Variants in EPB41L1 observed in about 807,000 individuals in gnomAD.
EPB41L1 encodes band 4.1-like protein 1.
In EPB41L1, 29 loss-of-function variants were observed where a neutral mutation model predicts 97.8. That is an observed-to-expected ratio of 0.30 (90% CI 0.22 to 0.40). The LOEUF is 0.40. Ranked by LOEUF, EPB41L1 falls within the 10% of genes least tolerant of loss-of-function variation. The probability of loss-of-function intolerance (pLI) is 1.00; values close to 1 mark genes in which losing one functional copy is unlikely to be tolerated. For synonymous variants in EPB41L1, 383 were observed against 459.2 expected (o/e 0.83, Z 2.12); for missense variants, 812 against 1,162.3 (o/e 0.70, Z 4.38).
At chr20:36,142,893 C>A (rs943677712) in intron 2 of EPB41L1, among the ~76,000 whole-genome samples, 10 of 152,172 alleles carry the variant, frequency 6.6e-5, no homozygotes, top group Non-Finnish European at 1.5e-4. Flanking sequence ...AGTCACCAAT[C>A]CAAGACATTC....
Position 36,092,428 on chromosome 20 carries a change from G to A in EPB41L1, c.-65+816G>A, listed in dbSNP as rs1296139661. On this transcript the variant is annotated intron_variant, in intron 1 of 19. Coordinates refer to the EPB41L1 transcript ENST00000202028. This position sits in a 1 kb window ranked among gnomAD's most constrained non-coding sequence, Gnocchi z 7.0. ...CGGGTCCCCAGCGCCGGGAGGGTTC[G>A]CGGGGCTCAGCCCCTTCCTCTGCTC... Among the ~76,000 whole-genome samples the A allele has an allele frequency of 1.3e-5, 2 of 152,054 alleles. No individual in the cohort carries two copies. Among genetic ancestry groups the A allele is most frequent in the Non-Finnish European group, 2.9e-5 (2 of 67,978 alleles).
chr20:36,126,363 A>AT (rs1208994726), intron 2 of EPB41L1, among the ~76,000 whole-genome samples: 5,468 of 135,242 alleles, frequency 0.04, 222 homozygotes, highest in African/African-American at 0.097. Flanking sequence ...AGTTAGTGGA[A>AT]TTTTTTTTTT....
chr20:36,153,668 C>T (rs1449150056), upstream of EPB41L1, among the ~76,000 whole-genome samples: 2 of 152,160 alleles, frequency 1.3e-5, no homozygotes, highest in Non-Finnish European at 1.5e-5. Flanking sequence ...ATAGGAACGT[C>T]CAGCCCTTTC....
chr20:36,192,531 C>CAAA (rs57675036), intron 11 of EPB41L1, among the ~76,000 whole-genome samples: 6 of 46,346 alleles, frequency 1.3e-4, no homozygotes, highest in South Asian at 8.2e-4. Flanking sequence ...GACTCCGTCT[C>CAAA]AAAAAAAAAA....
At chr20:36,107,246 G>A (rs1455449106) in intron 1 of EPB41L1, among the ~76,000 whole-genome samples, 3 of 113,174 alleles carry the variant, frequency 2.7e-5, no homozygotes, top group Admixed American at 2.3e-4. Flanking sequence ...AAGGACTCTC[G>A]CTTTCGCTCT....
intron 1 of EPB41L1, among the ~76,000 whole-genome samples, chr20:36,100,926 T>C (rs966003835): frequency 7.2e-5 from 11 of 152,176 alleles, no homozygotes; most frequent in African/African-American, 2.4e-4. Context: ...CATCTGGTTC[T>C]AGGCAGCTGC....
intron 1 of EPB41L1, among the ~76,000 whole-genome samples, chr20:36,112,094 A>G (rs965646628): frequency 1.3e-5 from 2 of 152,206 alleles, no homozygotes; most frequent in South Asian, 2.1e-4. Context: ...GATAATCACA[A>G]CAACCTCCTA....
chr20:36,222,007 G>C, intron 20 of EPB41L1, 63 bp downstream of exon 20: 13 of 1,543,352 alleles, frequency 8.4e-6, no homozygotes, highest in Non-Finnish European at 9.9e-6. Flanking sequence ...TCCTATGTTG[G>C]GTTACCCATG....
At chr20:36,176,395 G>A (rs1413009514) in intron 3 of EPB41L1, among the ~76,000 whole-genome samples, 1 of 152,162 alleles carries the variant, frequency 6.6e-6, no homozygotes, top group Non-Finnish European at 1.5e-5. Context: ...CCCCCTCTGT[G>A]AGCCCTTAGA....
At chr20:36,145,929 C>A (rs992310102) in intron 2 of EPB41L1, among the ~76,000 whole-genome samples, 1 of 152,158 alleles carries the variant, frequency 6.6e-6, no homozygotes, top group Non-Finnish European at 1.5e-5. Flanking sequence ...TCATATGCAG[C>A]GTTTCCTGAT....
chr20:36,154,190 G>A (rs1314633509), upstream of EPB41L1, among the ~76,000 whole-genome samples: 1 of 152,168 alleles, frequency 6.6e-6, no homozygotes, highest in Admixed American at 6.5e-5. The surrounding 1 kb of genome is among the most constrained non-coding windows in gnomAD (Gnocchi z 5.5). Flanking sequence ...CCGAGTCCTA[G>A]GCGGGTTCTG....
chr20:36,130,984 T>C (rs1193806338), intron 2 of EPB41L1, among the ~76,000 whole-genome samples: 1 of 151,370 alleles, frequency 6.6e-6, no homozygotes, highest in Non-Finnish European at 1.5e-5. Flanking sequence ...AATTTTTTTT[T>C]TTTTTTTTGA....
chr20:36,186,677 G>A (rs2061695050), intron 7 of EPB41L1, among the ~76,000 whole-genome samples: 1 of 152,134 alleles, frequency 6.6e-6, no homozygotes, highest in Non-Finnish European at 1.5e-5. Context: ...TGTCATCCCT[G>A]TCCTAGATAG....
At position 36,093,006 on chromosome 20, in the gene EPB41L1, C is replaced by A. The variant is rs1278246959; in HGVS notation, c.-65+1394C>A. 1 of 152,186 alleles carries A rather than the reference C, an allele frequency of 6.6e-6. No individual in the cohort carries two copies. The highest frequency in any genetic ancestry group is 2.4e-5 in the African/African-American group (1 of 41,432). 9.4% of individuals were successfully genotyped at this position (152,186 alleles called of 1,614,324 possible). On this transcript the variant is annotated intron_variant, in intron 1 of 19. Transcript: ENST00000202028. The surrounding 1 kb of genome is among the most constrained non-coding windows in gnomAD (Gnocchi z 5.4). ...TGGGGACTGTCGCGGGTTTGTGTGT[C>A]GGGGCTCCAGTCTCTGGGTGTGTGT...
At chr20:36,114,460 A>G (rs1488261791) in intron 2 of EPB41L1, among the ~76,000 whole-genome samples, 2 of 152,116 alleles carry the variant, frequency 1.3e-5, no homozygotes, top group Non-Finnish European at 2.9e-5. Context: ...GGTGCCACAT[A>G]CACAAGAGTA....
At chr20:36,177,569 C>T (rs552701562) in intron 3 of EPB41L1, among the ~76,000 whole-genome samples, 21 of 152,344 alleles carry the variant, frequency 1.4e-4, no homozygotes, top group African/African-American at 4.8e-4. Context: ...GGCGGCTTCT[C>T]TTCCTCTCAC....
chr20:36,191,019 C>A (rs959884482), intron 11 of EPB41L1, among the ~76,000 whole-genome samples: 1 of 152,224 alleles, frequency 6.6e-6, no homozygotes, highest in Admixed American at 6.5e-5. Flanking sequence ...CTACCACTCT[C>A]TGGATTCCCC....
chr20:36,223,187 C>T (rs917181920), intron 21 of EPB41L1, among the ~76,000 whole-genome samples: 10 of 152,182 alleles, frequency 6.6e-5, no homozygotes, highest in African/African-American at 1.7e-4. Context: ...CGTGAGCCAC[C>T]GCACCCAGCC....
chr20:36,107,534 T>A (rs974885159), intron 1 of EPB41L1, among the ~76,000 whole-genome samples: 25 of 150,526 alleles, frequency 1.7e-4, no homozygotes, highest in East Asian at 5.9e-4. Flanking sequence ...TTTTTTTTTT[T>A]AAATCATAAA....
Sources: allele counts gnomAD v4.1 joint callset (sites outside exome capture counted in the v4.1 genomes callset), GRCh38; gene constraint gnomAD v4.1.1; non-coding constraint Gnocchi (gnomAD v3.1); transcripts MANE v1.5; gene names NCBI Gene and HGNC (gene_info 2026-07-23, HGNC 2026-07-21).